Variants in AGXT2 observed in about 807,000 individuals in gnomAD.
The protein encoded by AGXT2 is alanine--glyoxylate aminotransferase 2, mitochondrial.
AGXT2 carries 61 observed loss-of-function variants against 62.5 expected under a neutral mutation model. That is an observed-to-expected ratio of 0.98 (90% CI 0.79 to 1.21). The LOEUF (loss-of-function observed/expected upper bound fraction) is 1.21. Among genes scored for constraint, AGXT2 ranks in the 50% most tolerant of loss-of-function variants. AGXT2 has a pLI of 0.00. For synonymous variants in AGXT2, 243 were observed against 218.7 expected, an observed-to-expected ratio of 1.11 and a Z score of -0.98; for missense variants, 666 against 641.5, an observed-to-expected ratio of 1.04 and a Z score of -0.41.
At chr5:35,037,243 G>A (rs1036020713) in intron 3 of AGXT2, among the ~76,000 whole-genome samples, 178 bp from the exon 4 acceptor site, 1 of 152,168 alleles carries the variant, frequency 6.6e-6, no homozygotes, top group Admixed American at 6.5e-5. Flanking sequence ...GGGATGTGTT[G>A]ACTTAAAAGG....
intron 9 of AGXT2, among the ~76,000 whole-genome samples, chr5:35,022,984 C>T (rs915853722): frequency 2.7e-5 from 4 of 150,740 alleles, no homozygotes; most frequent in Non-Finnish European, 4.4e-5. Context: ...ATCACTGGCT[C>T]CTAAATGTTT....
chr5:35,047,541 G>T (rs1768286928), intron 1 of AGXT2, among the ~76,000 whole-genome samples: 1 of 152,166 alleles, frequency 6.6e-6, no homozygotes, highest in African/African-American at 2.4e-5. Context: ...TTGAAGCTGA[G>T]ATAGCATGTC....
intron 9 of AGXT2, among the ~76,000 whole-genome samples, chr5:35,018,525 A>G (rs1766938928): frequency 6.6e-6 from 1 of 152,212 alleles, no homozygotes; most frequent in African/African-American, 2.4e-5. Context: ...GCAAATGCTG[A>G]GAGATTTTGT....
At chr5:35,012,850 C>CT in intron 11 of AGXT2, 104 bp downstream of exon 11, 2 of 1,033,120 alleles carry the variant, frequency 1.9e-6, no homozygotes, top group Non-Finnish European at 3.0e-6. Context: ...TGAATTAACT[C>CT]TCCCCTTTAA....
At position 35,026,125 on chromosome 5, in the gene AGXT2, T is replaced by C. The variant is rs776960123; in HGVS notation, c.871-270A>G. The C allele has an allele frequency of 5.7e-4, 340 of 594,098 alleles. No homozygotes were observed. In the Middle Eastern group the frequency reaches 0.019, roughly 34 times the overall value. The allele number at this position is 594,098 out of a possible 1,614,324, so 36.8% of individuals were successfully genotyped here. A position where few individuals can be genotyped will look rare whatever the true frequency, so the allele number is the denominator to read the frequency against. On this transcript the variant is annotated intron_variant, in intron 8 of 13. Transcript: ENST00000231420. Reference sequence around the variant, plus strand: ...TGGTGAGACTAAAGAAAGAGTTCTTTGGACAATGCGGATGTTATTAAGCAG... The same window carrying C: ...TGGTGAGACTAAAGAAAGAGTTCTTCGGACAATGCGGATGTTATTAAGCAG...
At chr5:35,033,040 G>A (rs1767631445) in intron 6 of AGXT2, 3 of 559,332 alleles carry the variant, frequency 5.4e-6, no homozygotes, top group African/African-American at 3.8e-5. Flanking sequence ...TGATTTCAAT[G>A]TTAGCCTGGA....
intron 10 of AGXT2, among the ~76,000 whole-genome samples, 166 bp from the exon 11 acceptor site, chr5:35,013,211 A>G (rs754400700): frequency 6.6e-6 from 1 of 152,244 alleles, no homozygotes; most frequent in Admixed American, 6.5e-5. Context: ...TATCGCCTCA[A>G]AATTTATATG....
At chr5:35,045,764 CTT>C (rs1255749919) in intron 1 of AGXT2, among the ~76,000 whole-genome samples, 1 of 99,164 alleles carries the variant, frequency 1.0e-5, no homozygotes, top group African/African-American at 3.7e-5. Flanking sequence ...TTTCTTTTTT[CTT>C]TTTTTTTTTT....
chr5:35,034,068 GTA>G (rs1333589166), intron 5 of AGXT2, among the ~76,000 whole-genome samples: 1 of 152,114 alleles, frequency 6.6e-6, no homozygotes, highest in East Asian at 1.9e-4. Flanking sequence ...AATCATCAGT[GTA>G]AGCTTCAAAT....
chr5:35,033,744 C>CAT (rs2307662), intron 5 of AGXT2, among the ~76,000 whole-genome samples, 191 bp from the exon 6 acceptor site: 142,545 of 152,198 alleles, frequency 0.94, 67,243 homozygotes, highest in Non-Finnish European at 1. Context: ...TGTTAGAAAA[C>CAT]AGATTTGAAA....
rs749677160 is a variant in AGXT2, at chr5:35,035,266, C to A, written c.537G>T (p.Leu179=). 1.2e-6 allele frequency: 2 copies of A among 1,613,996 alleles called. No individual in the cohort carries two copies. The highest frequency in any genetic ancestry group is 1.7e-6 in the Non-Finnish European group (2 of 1,180,016). Residue 179 remains leucine, a synonymous_variant, in exon 5 of 14, where the codon CTG becomes CTT. Coordinates refer to ENST00000231420, the MANE Select transcript of AGXT2 (RefSeq NM_031900.4). The stretch of plus-strand genomic sequence containing the variant: ...TGTTGTTTGAGTGCGCCCTGGCCAT[C>A]AGCATGGCCAGCTCATTGGCTTCTG... ...SGSEANELAM[L]MARAHSNNID...
intron 4 of AGXT2, 96 bp downstream of exon 4, chr5:35,036,846 C>T: frequency 6.3e-7 from 1 of 1,586,000 alleles, no homozygotes. Context: ...AGGGACGCTC[C>T]CCTAGAATCA....
At chr5:35,039,235 T>G in intron 3 of AGXT2, 89 bp downstream of exon 3, 2 of 1,433,346 alleles carry the variant, frequency 1.4e-6, no homozygotes, top group Admixed American at 1.7e-5. Flanking sequence ...TAAACCAAGA[T>G]AAGCAAATCA....
intron 12 of AGXT2, among the ~76,000 whole-genome samples, chr5:35,005,967 A>G (rs1766405657): frequency 1.3e-5 from 2 of 152,096 alleles, no homozygotes; most frequent in Admixed American, 1.3e-4. Flanking sequence ...TCTATTGACA[A>G]TTTGGTGTGA....
chr5:35,010,965 G>A (rs1766619139), intron 11 of AGXT2, among the ~76,000 whole-genome samples: 1 of 152,126 alleles, frequency 6.6e-6, no homozygotes, highest in South Asian at 2.1e-4. Context: ...CAGAGCCAGG[G>A]CACCAGAAGA....
At position 35,023,854 on chromosome 5, in the gene AGXT2, G is replaced by A. The variant is rs1767217980; in HGVS notation, c.963+1909C>T. Among the ~76,000 whole-genome samples, 5 of 146,266 alleles carry A rather than the reference G, an allele frequency of 3.4e-5. No individual in the cohort carries two copies. In the Admixed American group the frequency reaches 3.6e-4, roughly 10 times the overall value. On this transcript the variant is annotated intron_variant, in intron 9 of 13. Transcript: ENST00000231420. ...CTGATGTGACAGCTCAGTGTCAGCT[G>A]TAGGGAATATTTATTTATTTATTTA...
intron 9 of AGXT2, among the ~76,000 whole-genome samples, chr5:35,020,159 T>C (rs1239684104): frequency 6.6e-6 from 1 of 152,154 alleles, no homozygotes; most frequent in Non-Finnish European, 1.5e-5. Context: ...GAGGAACTGG[T>C]ACCATTCCTT....
At chr5:35,016,745 C>A (rs1429620520) in intron 9 of AGXT2, among the ~76,000 whole-genome samples, 1 of 152,168 alleles carries the variant, frequency 6.6e-6, no homozygotes, top group East Asian at 1.9e-4. Context: ...AAGCTTTGGA[C>A]TCAGTTACAA....
At chr5:35,010,671 C>T (rs928163739) in intron 11 of AGXT2, among the ~76,000 whole-genome samples, 7 of 151,738 alleles carry the variant, frequency 4.6e-5, no homozygotes, top group South Asian at 2.1e-4. Flanking sequence ...GGTGACAGAG[C>T]GACACTTTGC....
Sources: allele counts gnomAD v4.1 joint callset (sites outside exome capture counted in the v4.1 genomes callset), GRCh38; gene constraint gnomAD v4.1.1; transcripts MANE v1.5; gene names NCBI Gene and HGNC (gene_info 2026-07-23, HGNC 2026-07-21).